ZNF273: variants seen among roughly 807,000 people sequenced by gnomAD.
ZNF273 encodes the protein zinc finger protein 9.
Under a neutral mutation model 14.9 loss-of-function variants are expected in ZNF273, and 11 were observed. The observed-to-expected ratio is 0.74, with a 90% CI of 0.46 to 1.22. ZNF273 has a LOEUF of 1.22. Ranked by LOEUF, ZNF273 falls within the 50% of genes most tolerant of loss-of-function variation. ZNF273 has a pLI of 0.00. For synonymous variants in ZNF273, 199 were observed against 223.9 expected (o/e 0.89, Z 0.99); for missense variants, 577 against 660.6 (o/e 0.87, Z 1.39).
chr7:64,917,502 G>T (rs759372744), intron 1 of ZNF273, 79 bp from the exon 2 acceptor site: 4 of 1,537,206 alleles, frequency 2.6e-6, no homozygotes, highest in Non-Finnish European at 2.6e-6. Flanking sequence ...CTTTACTTTC[G>T]CATTCCACCT....
downstream of ZNF273, among the ~76,000 whole-genome samples, chr7:64,892,396 C>CT (rs1022960171): frequency 5.3e-5 from 8 of 152,046 alleles, no homozygotes; most frequent in African/African-American, 7.2e-5. Context: ...ATCAGCTATT[C>CT]TTTTTTTTAT....
downstream of ZNF273, among the ~76,000 whole-genome samples, chr7:64,931,134 T>C (rs1794983214): frequency 6.6e-6 from 1 of 152,134 alleles, no homozygotes; most frequent in Admixed American, 6.6e-5. Context: ...GTAGAGTAAG[T>C]GTGCTTGTGT....
chr7:64,935,531 T>C (rs1042621732), downstream of ZNF273, among the ~76,000 whole-genome samples: 2 of 152,146 alleles, frequency 1.3e-5, no homozygotes, highest in Non-Finnish European at 2.9e-5. Context: ...TATTTATTTA[T>C]TTATTTATTG....
rs563859189 is a variant in ZNF273, at chr7:64,903,808, T to C, written c.102+389T>C. Among the ~76,000 whole-genome samples the C allele has an allele frequency of 2.2e-4, 34 of 152,312 alleles. No homozygotes were observed. The East Asian group carries it at 6.4e-3, about 29-fold the overall frequency. Reference sequence around the variant, plus strand: ...ATGTATGGAAGTCACCGCGAAAATATTAAAGAATTTAATCAGACAGTCATT... The same window carrying C: ...ATGTATGGAAGTCACCGCGAAAATACTAAAGAATTTAATCAGACAGTCATT... On this transcript the variant is annotated intron_variant, in intron 1 of 3. Coordinates refer to ENST00000476120, the MANE Select transcript of ZNF273 (RefSeq NM_021148.3).
At chr7:64,899,707 A>G (rs1792568382), upstream of ZNF273, among the ~76,000 whole-genome samples, 1 of 151,432 alleles carries the variant, frequency 6.6e-6, no homozygotes, top group South Asian at 2.1e-4. Context: ...TCAGTATTGT[A>G]GTACAGTATA....
chr7:64,915,749 T>A (rs10239449), intron 1 of ZNF273, among the ~76,000 whole-genome samples: 6,419 of 152,314 alleles, frequency 0.042, 160 homozygotes, highest in Middle Eastern at 0.082. Flanking sequence ...TTGGGGGGCC[T>A]GTTTCCAACA....
chr7:64,932,844 C>T (rs947411210), downstream of ZNF273, among the ~76,000 whole-genome samples: 6 of 152,052 alleles, frequency 3.9e-5, no homozygotes, highest in Admixed American at 2.0e-4. Context: ...ATCATTTGAA[C>T]GCGGGAGTAA....
At chr7:64,890,189 GGTGTGTGTGTGTGTGTGT>G (rs373641951), downstream of ZNF273, 4 of 87,992 alleles carry the variant, frequency 4.5e-5, no homozygotes, top group African/African-American at 1.6e-4. Context: ...GCAGGTTAGG[GGTGTGTGTGTGTGTGTGT>G]GTGTGTGTGT....
intron 1 of ZNF273, chr7:64,916,892 T>C (rs548757712): frequency 2.8e-6 from 2 of 712,710 alleles, no homozygotes; most frequent in East Asian, 9.8e-5. Context: ...TTAATTATTT[T>C]TCTCTTCTTT....
At chr7:64,916,894 CTCT>C (rs1196631921) in intron 1 of ZNF273, 4 of 722,318 alleles carry the variant, frequency 5.5e-6, no homozygotes, top group East Asian at 2.0e-4. Flanking sequence ...AATTATTTTT[CTCT>C]TCTTTATTAA....
chr7:64,908,644 C>T (rs904247125), intron 1 of ZNF273, among the ~76,000 whole-genome samples: 1 of 152,108 alleles, frequency 6.6e-6, no homozygotes, highest in African/African-American at 2.4e-5. Flanking sequence ...AAAATAGTGA[C>T]AGGGTTTCAC....
chr7:64,910,922 T>C (rs185804626), intron 1 of ZNF273, among the ~76,000 whole-genome samples: 3 of 151,916 alleles, frequency 2.0e-5, no homozygotes, highest in Non-Finnish European at 1.5e-5. Context: ...TGCACCACCA[T>C]GCCTGGCTAA....
At chr7:64,883,936 A>C (rs1054806189), downstream of ZNF273, among the ~76,000 whole-genome samples, 2 of 152,284 alleles carry the variant, frequency 1.3e-5, no homozygotes, top group East Asian at 3.9e-4. Flanking sequence ...GGCAGCTGTG[A>C]TACTTTTGGA....
At chr7:64,918,737 AT>A (rs923398606) in intron 3 of ZNF273, among the ~76,000 whole-genome samples, 42 of 136,794 alleles carry the variant, frequency 3.1e-4, no homozygotes, top group East Asian at 1.1e-3. Flanking sequence ...GGAGAGCTGG[AT>A]TTTTTTTTTT....
Position 64,929,795 on chromosome 7 carries a change from G to A in ZNF273, c.*757G>A, listed in dbSNP as rs1304474249. The A allele has an allele frequency of 2.6e-5, 4 of 151,018 alleles. No individual in the cohort carries two copies. Among genetic ancestry groups the A allele is most frequent in the Non-Finnish European group, 5.9e-5 (4 of 67,924 alleles). The allele number at this position is 151,018 out of a possible 1,614,324, so 9.4% of individuals were successfully genotyped here. A position where few individuals can be genotyped will look rare whatever the true frequency, so the allele number is the denominator to read the frequency against. ...GAAAAAATTACAGGTTTTTTGAAAA[G>A]TGAATAATGTAATTCAACTCTCAAA... On this transcript the variant is annotated 3_prime_UTR_variant, in exon 4 of 4. Coordinates refer to ENST00000476120, the MANE Select transcript of ZNF273 (RefSeq NM_021148.3).
chr7:64,919,491 A>C (rs1584001563), intron 3 of ZNF273, among the ~76,000 whole-genome samples: 1 of 151,866 alleles, frequency 6.6e-6, no homozygotes, highest in Admixed American at 6.6e-5. Flanking sequence ...AAATACAAAA[A>C]ATAAGCTGGA....
Position 64,917,629 on chromosome 7 carries a change from T to C in ZNF273, c.151T>C (p.Trp51Arg), listed in dbSNP as rs1482213464. 5 of 1,600,322 alleles carry C rather than the reference T, an allele frequency of 3.1e-6. No individual in the cohort carries two copies. The South Asian group carries it at 4.4e-5, about 14-fold the overall frequency. Reference protein sequence around the residue: ...DVAIEFSLEEWQCLDTSQQNL... With the variant: ...DVAIEFSLEERQCLDTSQQNL... ...GGCCATAGAATTCTCTCTGGAGGAG[T>C]GGCAATGCCTGGACACTTCACAGCA... is the stretch of plus-strand genomic sequence containing the variant. The change falls in exon 2 of 4, where the codon TGG becomes CGG. Residue 51 changes from tryptophan (W) to arginine (R), a missense_variant. Transcript: ENST00000476120.
intron 3 of ZNF273, among the ~76,000 whole-genome samples, chr7:64,919,284 C>A (rs1240391113): frequency 2.6e-5 from 4 of 152,190 alleles, no homozygotes; most frequent in Non-Finnish European, 4.4e-5. Flanking sequence ...AATATTTATT[C>A]TTTGAATCCA....
chr7:64,906,719 C>A lies in ZNF273; in HGVS notation c.102+3300C>A, dbSNP rs561219870. Among the ~76,000 whole-genome samples, 3 of 152,190 alleles carry A rather than the reference C, an allele frequency of 2.0e-5. No homozygotes were observed. In the East Asian group the frequency reaches 5.8e-4, roughly 29 times the overall value. On this transcript the variant is annotated intron_variant, in intron 1 of 3. Transcript: ENST00000476120. The stretch of plus-strand genomic sequence containing the variant: ...CTACAGAGCCCAGGAAAGCTGGGGA[C>A]CCACAGGCAGATGCAGTTAAAGTTA...
Sources: allele counts gnomAD v4.1 joint callset (sites outside exome capture counted in the v4.1 genomes callset), GRCh38; gene constraint gnomAD v4.1.1; transcripts MANE v1.5; gene names NCBI Gene and HGNC (gene_info 2026-07-23, HGNC 2026-07-21).